Variants in MRRF observed in about 807,000 individuals in gnomAD.
The protein encoded by MRRF is mitochondrial ribosome recycling factor.
MRRF carries 18 observed loss-of-function variants against 25.1 expected under a neutral mutation model. The observed-to-expected ratio is 0.72, with a 90% CI of 0.50 to 1.06. MRRF has a LOEUF of 1.06. MRRF is among the 50% of genes least tolerant of loss of function. The pLI is 0.00. For synonymous variants in MRRF, 113 were observed against 112.1 expected (o/e 1.01, Z -0.05); for missense variants, 323 against 319.3 (o/e 1.01, Z -0.09).
Position 122,313,627 on chromosome 9 carries a change from C to T in MRRF, c.711+241C>T, listed in dbSNP as rs114840873. ...TGAACACTTTATATTACTTCATTTA[C>T]CCTCATCACTACAAAACTATGAGGT... On this transcript the variant is annotated intron_variant, in intron 6 of 6. Coordinates refer to ENST00000344641, the MANE Select transcript of MRRF (RefSeq NM_138777.5). Among the ~76,000 whole-genome samples, 359 of 152,260 alleles carry T rather than the reference C, an allele frequency of 2.4e-3. 1 individual carries two copies. Among genetic ancestry groups the T allele is most frequent in the African/African-American group, 8.3e-3 (346 of 41,550 alleles).
chr9:122,327,156 T>C lies in MRRF; in HGVS notation c.*4539T>C, dbSNP rs1836166294. On this transcript the variant is annotated 3_prime_UTR_variant, in exon 7 of 7. Coordinates refer to ENST00000344641, the MANE Select transcript of MRRF (RefSeq NM_138777.5). ...AACACCAAAGAAATGGTAGCTCTTATGGAGACAGTAAAGATTACATATTAA... is the reference window on the plus strand; with the variant it reads ...AACACCAAAGAAATGGTAGCTCTTACGGAGACAGTAAAGATTACATATTAA... The C allele has an allele frequency of 6.6e-6, 1 of 152,236 alleles. No individual in the cohort carries two copies. Among genetic ancestry groups the C allele is most frequent in the South Asian group, 2.1e-4 (1 of 4,832 alleles). The allele number at this position is 152,236 out of a possible 1,614,324, so 9.4% of individuals were successfully genotyped here.
intron 3 of MRRF, among the ~76,000 whole-genome samples, chr9:122,283,414 G>A (rs1241656390): frequency 6.6e-6 from 1 of 152,100 alleles, no homozygotes. Flanking sequence ...CAATTTTTAT[G>A]TCCCATTTAG....
chr9:122,278,593 C>T (rs1340145179), intron 2 of MRRF, among the ~76,000 whole-genome samples: 2 of 152,146 alleles, frequency 1.3e-5, no homozygotes, highest in African/African-American at 4.8e-5. Context: ...GTATTTCATT[C>T]ATAAATATTA....
chr9:122,302,133 A>G (rs1834509398), intron 5 of MRRF, among the ~76,000 whole-genome samples: 1 of 152,152 alleles, frequency 6.6e-6, no homozygotes, highest in African/African-American at 2.4e-5. Context: ...TACCTAGGAT[A>G]CAAGTATTGT....
At chr9:122,309,328 A>G (rs551998152) in intron 5 of MRRF, among the ~76,000 whole-genome samples, 1 of 152,308 alleles carries the variant, frequency 6.6e-6, no homozygotes, top group Non-Finnish European at 1.5e-5. Context: ...ACCTACTAAG[A>G]CATTGAAGGG....
chr9:122,289,698 G>A lies in MRRF; in HGVS notation c.460-2051G>A, dbSNP rs969590687. Reference sequence around the variant, plus strand: ...TTACCTTGAGTATAACCTTTATACCGCAAACATAATTCCAAATTAAATTTG... The same window carrying A: ...TTACCTTGAGTATAACCTTTATACCACAAACATAATTCCAAATTAAATTTG... On this transcript the variant is annotated intron_variant, in intron 4 of 6. Transcript: ENST00000344641. Among the ~76,000 whole-genome samples, 13 of 149,894 alleles carry A rather than the reference G, an allele frequency of 8.7e-5. No homozygotes were observed. The East Asian group carries it at 1.2e-3, about 14-fold the overall frequency.
chr9:122,291,573 A>G (rs1833771858), intron 4 of MRRF, among the ~76,000 whole-genome samples, 176 bp from the exon 5 acceptor site: 1 of 152,036 alleles, frequency 6.6e-6, no homozygotes, highest in Non-Finnish European at 1.5e-5. Flanking sequence ...GAGTGGACAT[A>G]GTTTGCTATT....
chr9:122,270,243 G>C (rs1832366127), intron 1 of MRRF, among the ~76,000 whole-genome samples: 1 of 152,216 alleles, frequency 6.6e-6, no homozygotes, highest in African/African-American at 2.4e-5. Flanking sequence ...AAAGACCTCA[G>C]ATGTAGAATG....
chr9:122,277,590 G>A (rs896787578), intron 2 of MRRF, among the ~76,000 whole-genome samples: 5 of 151,818 alleles, frequency 3.3e-5, no homozygotes, highest in African/African-American at 4.8e-5. Flanking sequence ...TCACTCTGTC[G>A]TCCAGGCTGG....
rs555730669 is a variant in MRRF at position 122,325,331 on chromosome 9, A to G, written c.*2714A>G. ...AGACAGCTCAGCAAATGGCTTTCAG[A>G]TGATTACTCAATTTCAGTTGACATT... On this transcript the variant is annotated 3_prime_UTR_variant, in exon 7 of 7. Coordinates refer to ENST00000344641, the MANE Select transcript of MRRF (RefSeq NM_138777.5). 7.9e-5 allele frequency: 12 copies of G among 152,306 alleles called. No individual in the cohort carries two copies. Among genetic ancestry groups the G allele is most frequent in the African/African-American group, 2.9e-4 (12 of 41,562 alleles). The allele number at this position is 152,306 out of a possible 1,614,324, so 9.4% of individuals were successfully genotyped here.
At chr9:122,304,304 AGGCCT>A (rs1017316149) in intron 5 of MRRF, among the ~76,000 whole-genome samples, 1 of 152,156 alleles carries the variant, frequency 6.6e-6, no homozygotes, top group African/African-American at 2.4e-5. Context: ...TCTACTTTCC[AGGCCT>A]GGGTAAGCCT....
At chr9:122,294,726 G>A (rs553665170) in intron 5 of MRRF, among the ~76,000 whole-genome samples, 4 of 152,308 alleles carry the variant, frequency 2.6e-5, no homozygotes, top group South Asian at 2.1e-4. Flanking sequence ...TGGGCACAGC[G>A]CCCTAGTTGC....
In MRRF at chr9:122,319,901, G is replaced by T. The variant is rs1487373862; in HGVS notation, c.712-2639G>T. On this transcript the variant is annotated intron_variant, in intron 6 of 6. Coordinates refer to ENST00000344641, the MANE Select transcript of MRRF (RefSeq NM_138777.5). ...TTTTTTTTTTTTTTTTTTTTTGAGAGAGAGTCTCTGTTGCCCAGGTTGGAG... is the reference window on the plus strand; with the variant it reads ...TTTTTTTTTTTTTTTTTTTTTGAGATAGAGTCTCTGTTGCCCAGGTTGGAG... Among the ~76,000 whole-genome samples the T allele has an allele frequency of 5.1e-5, 7 of 136,868 alleles. No homozygotes were observed. In the South Asian group the frequency reaches 9.2e-4, roughly 18 times the overall value. 89.8% of individuals were successfully genotyped at this position (136,868 alleles called of 152,430 possible). A position where few individuals can be genotyped will look rare whatever the true frequency, so the allele number is the denominator to read the frequency against.
intron 2 of MRRF, among the ~76,000 whole-genome samples, chr9:122,278,695 G>T (rs1197926351): frequency 6.6e-6 from 1 of 152,084 alleles, no homozygotes; most frequent in Non-Finnish European, 1.5e-5. Flanking sequence ...TATTTCAGTT[G>T]CTTCTGGCTT....
At chr9:122,265,619 A>G in intron 1 of MRRF, 2 of 482,174 alleles carry the variant, frequency 4.1e-6, no homozygotes, top group Non-Finnish European at 3.7e-6. Context: ...ATAGTTGGAA[A>G]GAATGAAAAC....
At chr9:122,290,096 C>G (rs1833670541) in intron 4 of MRRF, among the ~76,000 whole-genome samples, 1 of 151,900 alleles carries the variant, frequency 6.6e-6, no homozygotes, top group Admixed American at 6.6e-5. Flanking sequence ...AAAATCAAAT[C>G]CTTAATGTTA....
intron 2 of MRRF, among the ~76,000 whole-genome samples, chr9:122,272,966 C>G (rs943161055): frequency 2.0e-5 from 3 of 152,084 alleles, no homozygotes; most frequent in African/African-American, 7.2e-5. Flanking sequence ...GGCATTGTGT[C>G]TGAGCTGTTG....
At chr9:122,268,947 C>T (rs141570098) in intron 1 of MRRF, among the ~76,000 whole-genome samples, 6,906 of 152,010 alleles carry the variant, frequency 0.045, 209 homozygotes, top group Middle Eastern at 0.071. Context: ...GGGTGGATCA[C>T]GAGGTCAGGA....
At position 122,272,183 on chromosome 9, in the gene MRRF, C is replaced by T. The variant is rs114443987; in HGVS notation, c.184+1108C>T. Reference sequence around the variant, plus strand: ...AATCCAGATCTCACCATTTTATAAACGAAGAAACTGAGATAGTTTGTGAGA... The same window carrying T: ...AATCCAGATCTCACCATTTTATAAATGAAGAAACTGAGATAGTTTGTGAGA... On this transcript the variant is annotated intron_variant, in intron 2 of 6. Coordinates refer to ENST00000344641, the MANE Select transcript of MRRF (RefSeq NM_138777.5). Among the ~76,000 whole-genome samples, 990 of 152,192 alleles carry T rather than the reference C, an allele frequency of 6.5e-3. 9 individuals are homozygous for T. The highest frequency in any genetic ancestry group is 0.023 in the African/African-American group (958 of 41,526).
Sources: gnomAD v4.1 joint callset for allele counts (sites outside exome capture counted in the v4.1 genomes callset) on GRCh38, gnomAD v4.1.1 for gene constraint, MANE v1.5 for transcripts, NCBI Gene and HGNC (gene_info 2026-07-23, HGNC 2026-07-21) for gene names.